The following SLCO2A1 variants were observed in gnomAD, a reference collection of about 807,000 sequenced individuals.
SLCO2A1 encodes matrin F/G 1.
Under a neutral mutation model 71.7 loss-of-function variants are expected in SLCO2A1, and 60 were observed. The observed-to-expected ratio is 0.84, with a 90% CI of 0.68 to 1.04. The LOEUF (loss-of-function observed/expected upper bound fraction) is 1.04. Ranked by LOEUF, SLCO2A1 falls within the 50% of genes least tolerant of loss-of-function variation. The probability of loss-of-function intolerance (pLI) is 0.00; values close to 1 mark genes in which losing one functional copy is unlikely to be tolerated. For missense variants in SLCO2A1, 745 were observed against 813.4 expected (o/e 0.92, Z 1.02); for synonymous variants, 308 against 326.7 (o/e 0.94, Z 0.62).
At chr3:133,966,821 A>G (rs1934189647) in intron 3 of SLCO2A1, among the ~76,000 whole-genome samples, 1 of 152,202 alleles carries the variant, frequency 6.6e-6, no homozygotes, top group Non-Finnish European at 1.5e-5. Flanking sequence ...CCAGCTCTAC[A>G]GCTCTACTAA....
At chr3:134,026,333 C>T (rs903633980) in intron 1 of SLCO2A1, among the ~76,000 whole-genome samples, 4 of 151,486 alleles carry the variant, frequency 2.6e-5, no homozygotes, top group African/African-American at 9.7e-5. Context: ...CGGGACTAGA[C>T]AGCCCCCACT....
In SLCO2A1 at chr3:133,938,510, G is replaced by A. The variant is rs376107710; in HGVS notation, c.1626-17C>T. 3 of 1,613,224 alleles carry A rather than the reference G, an allele frequency of 1.9e-6. No homozygotes were observed. The African/African-American group carries it at 4.0e-5, about 22-fold the overall frequency. On this transcript the variant is annotated splice_polypyrimidine_tract_variant and intron_variant, in intron 11 of 13. Coordinates refer to ENST00000310926, the MANE Select transcript of SLCO2A1 (RefSeq NM_005630.3). ...TTCACCACACTGAAAAGACAGACAG[G>A]AAATCAGCAGTGGGAGGATTCAGGG...
chr3:134,017,833 C>T (rs1241870764), intron 1 of SLCO2A1, among the ~76,000 whole-genome samples: 1 of 152,102 alleles, frequency 6.6e-6, no homozygotes, highest in Non-Finnish European at 1.5e-5. Flanking sequence ...GTCTATTACA[C>T]AAGCAAGACA....
chr3:134,029,124 C>A (rs1935761966), intron 1 of SLCO2A1, among the ~76,000 whole-genome samples: 1 of 152,138 alleles, frequency 6.6e-6, no homozygotes, highest in African/African-American at 2.4e-5. Context: ...AGAGGGAATT[C>A]TAAACATAAC....
chr3:134,012,090 A>C (rs1247682856), intron 1 of SLCO2A1, among the ~76,000 whole-genome samples: 1 of 152,182 alleles, frequency 6.6e-6, no homozygotes, highest in South Asian at 2.1e-4. Flanking sequence ...ACCAGCAATG[A>C]AACCTTTGTG....
intron 1 of SLCO2A1, among the ~76,000 whole-genome samples, chr3:134,026,391 C>G (rs1294049097): frequency 2.0e-5 from 3 of 151,290 alleles, no homozygotes; most frequent in African/African-American, 7.3e-5. Flanking sequence ...AATTACCTGA[C>G]CAGTAGGCAG....
chr3:133,963,796 T>C lies in SLCO2A1; in HGVS notation c.398-8603A>G, dbSNP rs182595777. Among the ~76,000 whole-genome samples the C allele has an allele frequency of 2.9e-3, 428 of 148,770 alleles. 5 individuals carry two copies. Among genetic ancestry groups the C allele is most frequent in the African/African-American group, 9.9e-3 (390 of 39,394 alleles). ...TATCAGCACGACTCCTGGAACCTCATTCAGAATGTTCCACTCTGAAGGACT... is the reference window on the plus strand; with the variant it reads ...TATCAGCACGACTCCTGGAACCTCACTCAGAATGTTCCACTCTGAAGGACT... On this transcript the variant is annotated intron_variant, in intron 3 of 13. Coordinates refer to ENST00000310926, the MANE Select transcript of SLCO2A1 (RefSeq NM_005630.3).
intron 1 of SLCO2A1, among the ~76,000 whole-genome samples, chr3:134,026,772 A>G (rs947681459): frequency 1.3e-5 from 2 of 152,232 alleles, no homozygotes; most frequent in Admixed American, 1.3e-4. Flanking sequence ...GCTGAAGGAG[A>G]GGTCTGTAGG....
Position 133,953,846 on chromosome 3 carries a change from G to A in SLCO2A1, c.626-85C>T, listed in dbSNP as rs1933814862. On this transcript the variant is annotated intron_variant, in intron 4 of 13. Coordinates refer to ENST00000310926, the MANE Select transcript of SLCO2A1 (RefSeq NM_005630.3). ...GGCTCCCAAGCTGAGGGGGAGTCTT[G>A]AGATATCACTTCATCTGTTCCCAAG... The A allele has an allele frequency of 4.1e-6, 4 of 984,850 alleles. No homozygotes were observed. The Admixed American group carries it at 7.6e-5, about 19-fold the overall frequency. 61.0% of individuals were successfully genotyped at this position (984,850 alleles called of 1,614,324 possible).
rs200418667 is a variant in SLCO2A1 at position 133,981,764 on chromosome 3, C to T, written c.97-2146G>A. On this transcript the variant is annotated intron_variant, in intron 1 of 13. Coordinates refer to ENST00000310926, the MANE Select transcript of SLCO2A1 (RefSeq NM_005630.3). ...CTTCGAAGCAGGCGGATCATGAGGT[C>T]AGGAGTTCGAGACCAGCCTGACCAA... Among the ~76,000 whole-genome samples, 30 of 152,236 alleles carry T rather than the reference C, an allele frequency of 2.0e-4. No homozygotes were observed. In the East Asian group the frequency reaches 5.0e-3, roughly 26 times the overall value.
In SLCO2A1 at chr3:134,010,029, A is replaced by G. The variant is rs74620690; in HGVS notation, c.96+19678T>C. On this transcript the variant is annotated intron_variant, in intron 1 of 13. Coordinates refer to ENST00000310926, the MANE Select transcript of SLCO2A1 (RefSeq NM_005630.3). ...TTTCTGAAAGGACCTACCCTTGTCCATATTATCTCAGTAAATTTGGTACAT... is the reference window on the plus strand; with the variant it reads ...TTTCTGAAAGGACCTACCCTTGTCCGTATTATCTCAGTAAATTTGGTACAT... Among the ~76,000 whole-genome samples, 85 of 152,326 alleles carry G rather than the reference A, an allele frequency of 5.6e-4. 3 individuals are homozygous for G. In the East Asian group the frequency reaches 0.016, roughly 29 times the overall value.
chr3:134,014,377 C>T (rs1935401847), intron 1 of SLCO2A1, among the ~76,000 whole-genome samples: 1 of 152,158 alleles, frequency 6.6e-6, no homozygotes, highest in African/African-American at 2.4e-5. Context: ...AAGAGAGCTG[C>T]TGGCTGCAGA....
intron 1 of SLCO2A1, among the ~76,000 whole-genome samples, chr3:133,984,192 T>C (rs1440013368): frequency 6.6e-6 from 1 of 152,208 alleles, no homozygotes; most frequent in East Asian, 1.9e-4. Context: ...AGAGGAAATT[T>C]GTCTCAGATC....
rs142036526 is a variant in SLCO2A1 at position 133,991,085 on chromosome 3, G to T, written c.97-11467C>A. Among the ~76,000 whole-genome samples, 1,434 of 152,128 alleles carry T rather than the reference G, an allele frequency of 9.4e-3. 14 individuals are homozygous for T. Among genetic ancestry groups the T allele is most frequent in the South Asian group, 0.036 (173 of 4,814 alleles). On this transcript the variant is annotated intron_variant, in intron 1 of 13. Coordinates refer to ENST00000310926, the MANE Select transcript of SLCO2A1 (RefSeq NM_005630.3). The stretch of plus-strand genomic sequence containing the variant: ...AGATCGCACCACAGCACTCCAGCCT[G>T]GGTGACAGAGCAAGACTCCATCTCA...
At chr3:133,970,608 C>T (rs1423155883) in intron 3 of SLCO2A1, among the ~76,000 whole-genome samples, 1 of 152,246 alleles carries the variant, frequency 6.6e-6, no homozygotes, top group Non-Finnish European at 1.5e-5. Context: ...CCAGCTAGAT[C>T]GCATGGATGA....
chr3:133,970,429 A>G (rs189246089), intron 3 of SLCO2A1, among the ~76,000 whole-genome samples: 2 of 152,342 alleles, frequency 1.3e-5, no homozygotes, highest in Admixed American at 1.3e-4. Context: ...AATGAAATGC[A>G]TTTGTTCCTG....
chr3:134,000,745 A>AT (rs1935089719), intron 1 of SLCO2A1, among the ~76,000 whole-genome samples: 1 of 152,190 alleles, frequency 6.6e-6, no homozygotes, highest in Admixed American at 6.5e-5. Context: ...AACATTTGGG[A>AT]TTTTGAAATA....
At chr3:133,994,189 A>G (rs1934911525) in intron 1 of SLCO2A1, among the ~76,000 whole-genome samples, 2 of 152,212 alleles carry the variant, frequency 1.3e-5, no homozygotes, top group African/African-American at 2.4e-5. Flanking sequence ...CTGAGATATA[A>G]TAAATGTTTA....
chr3:134,028,815 T>C (rs1935748664), intron 1 of SLCO2A1, among the ~76,000 whole-genome samples: 1 of 152,174 alleles, frequency 6.6e-6, no homozygotes, highest in Non-Finnish European at 1.5e-5. Flanking sequence ...GTATCTTCCA[T>C]TGTTACTTCT....
Sources: gnomAD v4.1 joint callset for allele counts (sites outside exome capture counted in the v4.1 genomes callset) on GRCh38, gnomAD v4.1.1 for gene constraint, MANE v1.5 for transcripts, NCBI Gene and HGNC (gene_info 2026-07-23, HGNC 2026-07-21) for gene names.